MAD1L1: variants seen among roughly 807,000 people sequenced by gnomAD.
The protein encoded by MAD1L1 is mitotic arrest deficient 1 like 1.
Under a neutral mutation model 96.9 loss-of-function variants are expected in MAD1L1, and 95 were observed. The ratio of observed to expected loss-of-function variants is 0.98; its 90% CI spans 0.83 to 1.16. MAD1L1 has a LOEUF of 1.16. Among genes scored for constraint, MAD1L1 ranks in the 50% most tolerant of loss-of-function variants. MAD1L1 has a pLI of 0.00. For missense variants in MAD1L1, 1,007 were observed against 954.4 expected, an observed-to-expected ratio of 1.06 and a Z score of -0.73; for synonymous variants, 473 against 396.6, an observed-to-expected ratio of 1.19 and a Z score of -2.29.
chr7:1,974,261 G>A (rs1370723483), intron 15 of MAD1L1, among the ~76,000 whole-genome samples: 11 of 152,194 alleles, frequency 7.2e-5, no homozygotes, highest in Admixed American at 2.0e-4. Context: ...AGACCCAGCC[G>A]GATTCCTCGG....
At chr7:1,952,965 C>T (rs1193866619) in intron 16 of MAD1L1, among the ~76,000 whole-genome samples, 1 of 152,212 alleles carries the variant, frequency 6.6e-6, no homozygotes, top group Non-Finnish European at 1.5e-5. Flanking sequence ...GACCCCAGCC[C>T]ACCACACCTG....
intron 3 of MAD1L1, among the ~76,000 whole-genome samples, chr7:2,225,753 GAAGACGT>G (rs1200166396): frequency 6.6e-6 from 1 of 152,200 alleles, no homozygotes; most frequent in African/African-American, 2.4e-5. Flanking sequence ...CTGGGAAGAG[GAAGACGT>G]CTTTTGAGAT....
intron 18 of MAD1L1, among the ~76,000 whole-genome samples, chr7:1,873,460 G>A (rs577657683): frequency 1.2e-4 from 18 of 152,056 alleles, no homozygotes; most frequent in African/African-American, 4.3e-4. Flanking sequence ...GGGAGGGGCA[G>A]GTGGGGAGCC....
chr7:2,125,776 C>T (rs1788203736), intron 11 of MAD1L1, among the ~76,000 whole-genome samples: 1 of 152,212 alleles, frequency 6.6e-6, no homozygotes, highest in African/African-American at 2.4e-5. Flanking sequence ...GGGTCATTTA[C>T]CACAGCTCTG....
intron 10 of MAD1L1, among the ~76,000 whole-genome samples, chr7:2,199,074 C>A (rs1169582937): frequency 6.6e-6 from 1 of 152,208 alleles, no homozygotes; most frequent in Non-Finnish European, 1.5e-5. Flanking sequence ...TGCACTGGGG[C>A]CTGTATGATG....
chr7:1,906,026 G>A (rs1237474250), intron 17 of MAD1L1, among the ~76,000 whole-genome samples: 1 of 144,324 alleles, frequency 6.9e-6, no homozygotes, highest in Non-Finnish European at 1.5e-5. Context: ...CTCCACGCTG[G>A]GTGACACAGT....
intron 12 of MAD1L1, among the ~76,000 whole-genome samples, chr7:2,031,888 C>T (rs1196781859): frequency 6.6e-6 from 1 of 152,280 alleles, no homozygotes; most frequent in Non-Finnish European, 1.5e-5. Flanking sequence ...AGTCACGGCT[C>T]TGGGGCCACT....
intron 14 of MAD1L1, among the ~76,000 whole-genome samples, chr7:1,992,314 A>G (rs1584017192): frequency 6.6e-6 from 1 of 151,904 alleles, no homozygotes; most frequent in East Asian, 1.9e-4. Context: ...TGTGGCTTCC[A>G]AGGGCTCCAG....
At chr7:2,181,930 T>C (rs1791220453) in intron 10 of MAD1L1, among the ~76,000 whole-genome samples, 1 of 151,878 alleles carries the variant, frequency 6.6e-6, no homozygotes, top group Admixed American at 6.6e-5. Context: ...AACTCAGGAA[T>C]GGAAAAACCA....
intron 18 of MAD1L1, among the ~76,000 whole-genome samples, chr7:1,887,687 G>A (rs1254008157): frequency 6.6e-6 from 1 of 151,362 alleles, no homozygotes; most frequent in Non-Finnish European, 1.5e-5. Flanking sequence ...GAATGCATGT[G>A]GGTGGCTGTG....
chr7:2,216,133 G>A, intron 8 of MAD1L1, 24 bp downstream of exon 8: 9 of 1,610,258 alleles, frequency 5.6e-6, no homozygotes, highest in Non-Finnish European at 7.6e-6. Flanking sequence ...CGAGGCGGCT[G>A]CCCCATCCCC....
intron 11 of MAD1L1, among the ~76,000 whole-genome samples, chr7:2,128,801 A>G (rs960102523): frequency 6.6e-6 from 1 of 152,152 alleles, no homozygotes; most frequent in Non-Finnish European, 1.5e-5. Context: ...GGCCACCCTC[A>G]AGCCCGTCAG....
intron 11 of MAD1L1, among the ~76,000 whole-genome samples, chr7:2,132,739 C>A (rs545679535): frequency 6.6e-6 from 1 of 152,348 alleles, no homozygotes; most frequent in East Asian, 1.9e-4. Flanking sequence ...TTCTTTTTAG[C>A]TCAGAACAGT....
rs1212392664 is a variant in MAD1L1, at chr7:2,114,537, A to G, written c.1073+34615T>C. Among the ~76,000 whole-genome samples, 1 of 152,254 alleles carries G rather than the reference A, an allele frequency of 6.6e-6. No individual in the cohort carries two copies. The highest frequency in any genetic ancestry group is 1.9e-4 in the East Asian group (1 of 5,188). Reference sequence around the variant, plus strand: ...GGTCACCTCCCTGCAGCAAGGCCCAAGCCGACGTCACGTGGCAGAAGGATC... The same window carrying G: ...GGTCACCTCCCTGCAGCAAGGCCCAGGCCGACGTCACGTGGCAGAAGGATC... On this transcript the variant is annotated intron_variant, in intron 11 of 18. Transcript: ENST00000265854. The surrounding 1 kb of genome is among the most constrained non-coding windows in gnomAD (Gnocchi z 4.2).
chr7:1,887,415 G>A (rs1222658111), intron 18 of MAD1L1, among the ~76,000 whole-genome samples: 5 of 150,674 alleles, frequency 3.3e-5, no homozygotes, highest in Non-Finnish European at 5.9e-5. Context: ...CTGTGCATGT[G>A]TGTGTGTGCA....
chr7:2,204,407 G>A (rs891594019), intron 10 of MAD1L1, among the ~76,000 whole-genome samples: 15 of 152,312 alleles, frequency 9.8e-5, no homozygotes, highest in African/African-American at 2.9e-4. Flanking sequence ...GTACACCTGT[G>A]CGGCGATCAC....
chr7:1,959,606 T>C (rs1296865977), intron 15 of MAD1L1, among the ~76,000 whole-genome samples: 1 of 151,558 alleles, frequency 6.6e-6, no homozygotes, highest in East Asian at 1.9e-4. Context: ...CAAGGCGGGG[T>C]TCTCATGAGA....
At chr7:2,021,414 G>C (rs150123840) in intron 12 of MAD1L1, among the ~76,000 whole-genome samples, 88 of 152,240 alleles carry the variant, frequency 5.8e-4, no homozygotes, top group African/African-American at 2.0e-3. Context: ...AAACAAAACA[G>C]CACCAGCCTG....
chr7:1,831,242 A>G (rs1583494210), intron 18 of MAD1L1, among the ~76,000 whole-genome samples: 2 of 152,164 alleles, frequency 1.3e-5, no homozygotes, highest in Non-Finnish European at 1.5e-5. Context: ...CAACTTTTTC[A>G]TTACTAGTAT....
Sources: gnomAD v4.1 joint callset for allele counts (sites outside exome capture counted in the v4.1 genomes callset) on GRCh38, gnomAD v4.1.1 for gene constraint, Gnocchi (gnomAD v3.1) non-coding constraint, MANE v1.5 for transcripts, NCBI Gene and HGNC (gene_info 2026-07-23, HGNC 2026-07-21) for gene names.